FAM153A: variants seen among roughly 807,000 people sequenced by gnomAD.
FAM153A encodes protein FAM153A.
Under a neutral mutation model 48.1 loss-of-function variants are expected in FAM153A, and 12 were observed. The ratio of observed to expected loss-of-function variants is 0.25; its 90% CI spans 0.16 to 0.40. The LOEUF is 0.40. Among genes scored for constraint, FAM153A ranks in the 10% least tolerant of loss-of-function variants. FAM153A has a pLI of 1.00. For synonymous variants in FAM153A, 36 were observed against 118.2 expected, an observed-to-expected ratio of 0.30 and a Z score of 4.51; for missense variants, 111 against 345.8, an observed-to-expected ratio of 0.32 and a Z score of 5.38.
downstream of FAM153A, among the ~76,000 whole-genome samples, chr5:177,707,740 T>C (rs1013740358): frequency 5.3e-5 from 8 of 151,914 alleles, no homozygotes; most frequent in African/African-American, 1.9e-4. Context: ...GCTGTATTTT[T>C]AGTAGAGATG....
At position 177,729,380 on chromosome 5, in the gene FAM153A, G is replaced by A. The variant is rs1374224873; in HGVS notation, c.933+105C>T. The A allele has an allele frequency of 2.0e-5, 25 of 1,253,194 alleles. 4 individuals carry two copies. Among genetic ancestry groups the A allele is most frequent in the African/African-American group, 7.6e-5 (5 of 65,482 alleles). 77.6% of individuals were successfully genotyped at this position (1,253,194 alleles called of 1,614,324 possible). A position where few individuals can be genotyped will look rare whatever the true frequency, so the allele number is the denominator to read the frequency against. Reference sequence around the variant, plus strand: ...ATTTGCCCACCAAGAAATTCTGTCAGTCACCTATAGTGTGTATGGTGAGGT... The same window carrying A: ...ATTTGCCCACCAAGAAATTCTGTCAATCACCTATAGTGTGTATGGTGAGGT... On this transcript the variant is annotated intron_variant, in intron 17 of 20. Transcript: ENST00000614127.
intron 1 of FAM153A, among the ~76,000 whole-genome samples, chr5:177,759,287 A>T (rs1768068673): frequency 6.6e-6 from 1 of 151,786 alleles, no homozygotes; most frequent in Non-Finnish European, 1.5e-5. Context: ...CACACCAGTT[A>T]GAATGGTGAT....
At chr5:177,706,498 C>G (rs1209248713), downstream of FAM153A, among the ~76,000 whole-genome samples, 1 of 151,872 alleles carries the variant, frequency 6.6e-6, no homozygotes, top group Non-Finnish European at 1.5e-5. Flanking sequence ...TGCGCCCAGC[C>G]AAAAATACAT....
chr5:177,711,087 A>AG (rs1362532667), exon 27 of FAM153A: 9 of 151,932 alleles, frequency 5.9e-5, no homozygotes, highest in African/African-American at 2.2e-4. Flanking sequence ...GTTTAATGCT[A>AG]GAAAAAATGG....
At chr5:177,707,105 C>T (rs1417543777), downstream of FAM153A, among the ~76,000 whole-genome samples, 1 of 151,848 alleles carries the variant, frequency 6.6e-6, no homozygotes, top group Non-Finnish European at 1.5e-5. Context: ...GGGACTCCAA[C>T]ACCCACTTTC....
At chr5:177,696,100 C>T in the FAM153A span, among the ~76,000 whole-genome samples, 2 of 145,210 alleles carry the variant, frequency 1.4e-5, no homozygotes, top group African/African-American at 2.6e-5. Flanking sequence ...CCTCACTTCC[C>T]AGACGGGGTG....
At chr5:177,737,913 A>G (rs1186995978) in intron 10 of FAM153A, among the ~76,000 whole-genome samples, 1 of 151,706 alleles carries the variant, frequency 6.6e-6, no homozygotes, top group African/African-American at 2.4e-5. Context: ...TTTTGTTTTA[A>G]AGAAGACTAA....
chr5:177,738,106 G>T (rs368125255), intron 10 of FAM153A, among the ~76,000 whole-genome samples: 3 of 151,122 alleles, frequency 2.0e-5, no homozygotes, highest in Non-Finnish European at 2.9e-5. Context: ...AGGTGGGGGC[G>T]CTGAACCTCT....
chr5:177,760,135 A>G (rs1285328151), intron 1 of FAM153A, among the ~76,000 whole-genome samples: 1 of 151,026 alleles, frequency 6.6e-6, no homozygotes, highest in Non-Finnish European at 1.5e-5. Flanking sequence ...GCAGGTGTGC[A>G]CATATATATA....
intron 25 of FAM153A, among the ~76,000 whole-genome samples, chr5:177,715,784 A>G (rs1264714993): frequency 6.6e-6 from 1 of 151,386 alleles, no homozygotes; most frequent in Non-Finnish European, 1.5e-5. Flanking sequence ...GCTTTCTACA[A>G]CCTCTAACTC....
chr5:177,753,091 A>G, intron 1 of FAM153A: 1 of 1,029,392 alleles, frequency 9.7e-7, no homozygotes, highest in South Asian at 1.4e-5. Flanking sequence ...GGGGAAATTA[A>G]AAAAATCAGA....
intron 25 of FAM153A, among the ~76,000 whole-genome samples, chr5:177,714,565 G>GT (rs57957337): frequency 0.033 from 3,143 of 94,234 alleles, 163 homozygotes; most frequent in African/African-American, 0.11. Context: ...ACCTGAAAAT[G>GT]TTTTAAATAT....
chr5:177,728,429 T>C (rs1482869264), intron 18 of FAM153A, among the ~76,000 whole-genome samples: 1 of 149,038 alleles, frequency 6.7e-6, no homozygotes, highest in East Asian at 2.0e-4. Context: ...TCCACAATCA[T>C]TCCATATAGA....
At chr5:177,768,391 TCTCTC>T (rs1320736084) in intron 1 of FAM153A, among the ~76,000 whole-genome samples, 2 of 151,782 alleles carry the variant, frequency 1.3e-5, no homozygotes, top group Non-Finnish European at 2.9e-5. Context: ...CTTCAGCTCT[TCTCTC>T]CTCTCCAGAG....
upstream of FAM153A, among the ~76,000 whole-genome samples, chr5:177,757,508 G>A (rs943218606): frequency 4.3e-5 from 6 of 140,720 alleles, 1 homozygote; most frequent in African/African-American, 1.6e-4. Context: ...ACCAAAGCCT[G>A]GCAGAGACAC....
At chr5:177,708,428 T>G (rs189985284), downstream of FAM153A, among the ~76,000 whole-genome samples, 1,476 of 150,972 alleles carry the variant, frequency 9.8e-3, 17 homozygotes, top group African/African-American at 0.013. Flanking sequence ...ATACAGAAAA[T>G]TAGCCAGGCG....
At chr5:177,782,022 C>T (rs1769728093), upstream of FAM153A, among the ~76,000 whole-genome samples, 1 of 106,176 alleles carries the variant, frequency 9.4e-6, no homozygotes, top group Non-Finnish European at 2.0e-5. Flanking sequence ...AGCCACCGCG[C>T]CCGGCCGACT....
downstream of FAM153A, among the ~76,000 whole-genome samples, chr5:177,706,209 G>T (rs573213901): frequency 2.4e-4 from 37 of 151,248 alleles, 1 homozygote; most frequent in Non-Finnish European, 4.4e-4. Flanking sequence ...TGTTGTTGTT[G>T]TTTTTGAGAC....
chr5:177,741,327 C>G lies in FAM153A; in HGVS notation c.370G>C (p.Asp124His). ...AATGGCTTGCCCAAGGAGCCTTCGT[C>G]ACGCTCTAGGAAACACAGAGTAATT... Residue 124 changes from aspartate (D) to histidine (H), a missense_variant, in exon 7 of 21, where the codon GAC becomes CAC. Physicochemically the swap from Asp to His is moderately conservative, Grantham distance 81 (BLOSUM62 -1). Transcript: ENST00000614127. 3.1e-6 allele frequency: 2 copies of G among 644,752 alleles called. 1 individual carries two copies. The highest frequency in any genetic ancestry group is 4.4e-6 in the Non-Finnish European group (2 of 451,104). The allele number at this position is 644,752 out of a possible 1,614,324, so 39.9% of individuals were successfully genotyped here.
Sources: gnomAD v4.1 joint callset for allele counts (sites outside exome capture counted in the v4.1 genomes callset) on GRCh38, gnomAD v4.1.1 for gene constraint, MANE v1.5 for transcripts, NCBI Gene and HGNC (gene_info 2026-07-23, HGNC 2026-07-21) for gene names.